Variants in PMPCA observed in about 807,000 individuals in gnomAD.
The protein encoded by PMPCA is mitochondrial-processing peptidase subunit alpha.
A neutral mutation model predicts 59.3 loss-of-function variants in PMPCA; 47 were observed. The ratio of observed to expected loss-of-function variants is 0.79; its 90% CI spans 0.63 to 1.01. The LOEUF is 1.01. Ranked by LOEUF, PMPCA falls within the 50% of genes least tolerant of loss-of-function variation. The pLI is 0.00. For missense variants in PMPCA, 726 were observed against 704.5 expected (o/e 1.03, Z -0.34); for synonymous variants, 338 against 290.3 (o/e 1.16, Z -1.67).
At chr9:136,417,799 G>C (rs1461165080) in intron 7 of PMPCA, among the ~76,000 whole-genome samples, 7 of 151,494 alleles carry the variant, frequency 4.6e-5, no homozygotes, top group Middle Eastern at 3.2e-3. Flanking sequence ...TTTTGGTAGA[G>C]GTGGAGTTTT....
chr9:136,423,499 G>A lies in PMPCA; in HGVS notation c.*235G>A. The A allele has an allele frequency of 1.9e-6, 1 of 518,180 alleles. No homozygotes were observed. Among genetic ancestry groups the A allele is most frequent in the Non-Finnish European group, 3.5e-6 (1 of 288,784 alleles). 32.1% of individuals were successfully genotyped at this position (518,180 alleles called of 1,614,324 possible). A position where few individuals can be genotyped will look rare whatever the true frequency, so the allele number is the denominator to read the frequency against. The stretch of plus-strand genomic sequence containing the variant: ...GAAGCAGGTGAAGTGCCCAGCGCTG[G>A]AGTGCAGCGTGCCACGAGGAGGGCG... On this transcript the variant is annotated 3_prime_UTR_variant, in exon 13 of 13. Transcript: ENST00000371717.
At chr9:136,412,306 T>TG in intron 2 of PMPCA, 107 bp downstream of exon 2, 1 of 919,030 alleles carries the variant, frequency 1.1e-6, no homozygotes, top group South Asian at 1.4e-5. Flanking sequence ...GTACCCTGAG[T>TG]GGAAACAAAG....
chr9:136,418,192 G>A (rs990105807), intron 8 of PMPCA, 83 bp downstream of exon 8: 47 of 995,194 alleles, frequency 4.7e-5, no homozygotes, highest in Admixed American at 2.4e-4. Context: ...CCTGGCATCC[G>A]ACAGCGCTCC....
chr9:136,417,215 G>A lies in PMPCA; in HGVS notation c.897+1G>A. 1 of 1,566,796 alleles carries A rather than the reference G, an allele frequency of 6.4e-7. No individual in the cohort carries two copies. Among genetic ancestry groups the A allele is most frequent in the Non-Finnish European group, 8.7e-7 (1 of 1,150,800 alleles). The stretch of plus-strand genomic sequence containing the variant: ...CCAGTACACTGGGGGGATTGCCAAG[G>A]TGAAGTAGCGGGAACGTCTCATGGC... On this transcript the variant is annotated splice_donor_variant, in intron 7 of 12. Coordinates refer to ENST00000371717, the MANE Select transcript of PMPCA (RefSeq NM_015160.3). LOFTEE classifies it high-confidence loss of function.
intron 4 of PMPCA, among the ~76,000 whole-genome samples, chr9:136,414,148 T>C (rs1835208400): frequency 1.3e-5 from 2 of 152,212 alleles, no homozygotes; most frequent in Admixed American, 1.3e-4. Flanking sequence ...AACAGGAGGC[T>C]GGGATGAAAC....
chr9:136,418,488 C>T (rs1018392896), intron 8 of PMPCA, 67 bp from the exon 9 acceptor site: 132 of 1,012,946 alleles, frequency 1.3e-4, no homozygotes, highest in East Asian at 4.8e-5. Context: ...CCCTCCGTCC[C>T]TGGCGTCTGA....
chr9:136,422,338 TGCC>T (rs1835480632), intron 12 of PMPCA: 1 of 1,181,688 alleles, frequency 8.5e-7, no homozygotes, highest in Admixed American at 3.8e-5. Context: ...TGGCTCGGAA[TGCC>T]GCTGTACCGT....
intron 12 of PMPCA, 121 bp downstream of exon 12, chr9:136,422,097 G>A (rs779727035): frequency 1.5e-4 from 231 of 1,546,302 alleles, no homozygotes; most frequent in Admixed American, 3.1e-4. Context: ...CAGAATCTGG[G>A]GCCTTCACCA....
chr9:136,418,157 G>T (rs368061249), intron 8 of PMPCA, 48 bp downstream of exon 8: 1 of 1,346,362 alleles, frequency 7.4e-7, no homozygotes, highest in Non-Finnish European at 1.1e-6. Context: ...CAGTGTGGCC[G>T]GCTCAGCCAG....
intron 7 of PMPCA, 84 bp downstream of exon 7, chr9:136,417,298 G>T: frequency 8.4e-7 from 1 of 1,185,288 alleles, no homozygotes; most frequent in Non-Finnish European, 1.2e-6. Flanking sequence ...TATTGATTCT[G>T]AGGGTGATAG....
chr9:136,416,892 T>TG, intron 6 of PMPCA, 59 bp from the exon 7 acceptor site: 4 of 1,526,208 alleles, frequency 2.6e-6, no homozygotes, highest in Non-Finnish European at 3.6e-6. Flanking sequence ...TGCTGCTTGT[T>TG]GGAGGAAGCC....
chr9:136,410,857 G>C, intron 1 of PMPCA, 118 bp downstream of exon 1: 21 of 843,398 alleles, frequency 2.5e-5, no homozygotes, highest in Non-Finnish European at 3.2e-5. Context: ...TCGCACTTCG[G>C]GACACTGGTG....
intron 12 of PMPCA, chr9:136,422,888 C>G: frequency 7.2e-7 from 1 of 1,385,728 alleles, no homozygotes; most frequent in South Asian, 1.7e-5. Flanking sequence ...ATTGCCATGT[C>G]CCCATTTACT....
rs1303691840 is a variant in PMPCA at position 136,418,065 on chromosome 9, G to A, written c.946G>A (p.Glu316Lys). 1.6e-5 allele frequency: 26 copies of A among 1,613,840 alleles called. No individual in the cohort carries two copies. Among genetic ancestry groups the A allele is most frequent in the Non-Finnish European group, 2.0e-5 (24 of 1,179,834 alleles). ...NVSLGPTPIP[E>K]LTHIMVGLES... ...CAGCCTGGGCCCGACCCCCATCCCC[G>A]AGCTCACGCACATCATGGTTGGACT... Residue 316 changes from glutamate (E) to lysine (K), a missense_variant, in exon 8 of 13, where the codon GAG becomes AAG. Physicochemically the swap from Glu to Lys is moderately conservative, Grantham distance 56. Coordinates refer to ENST00000371717, the MANE Select transcript of PMPCA (RefSeq NM_015160.3).
At chr9:136,418,198 G>A (rs945766589) in intron 8 of PMPCA, 89 bp downstream of exon 8, 27 of 940,958 alleles carry the variant, frequency 2.9e-5, no homozygotes, top group African/African-American at 6.4e-5. Flanking sequence ...ATCCGACAGC[G>A]CTCCTGATGG....
chr9:136,421,414 T>TTTTTTTG, intron 11 of PMPCA, among the ~76,000 whole-genome samples: 1 of 147,040 alleles, frequency 6.8e-6, no homozygotes, highest in Non-Finnish European at 1.5e-5. Flanking sequence ...GTTTTTTTTT[T>TTTTTTTG]TTTTTTTTTT....
chr9:136,416,446 A>G, intron 6 of PMPCA, 55 bp downstream of exon 6: 1 of 1,247,222 alleles, frequency 8.0e-7, no homozygotes, highest in Non-Finnish European at 1.2e-6. Context: ...TCCTCGGGAC[A>G]CCAGGGGTGG....
chr9:136,417,245 G>A (rs953328884), intron 7 of PMPCA, 31 bp downstream of exon 7: 1 of 1,534,230 alleles, frequency 6.5e-7, no homozygotes, highest in Non-Finnish European at 8.8e-7. Flanking sequence ...CATGGCCTCG[G>A]GTGGGGAACA....
intron 1 of PMPCA, 147 bp downstream of exon 1, chr9:136,410,886 C>T (rs1053240947): frequency 1.7e-6 from 1 of 596,920 alleles, no homozygotes; most frequent in East Asian, 3.5e-5. Context: ...GCGACGGGGG[C>T]CCTGCCTTGC....
Sources: allele counts gnomAD v4.1 joint callset (sites outside exome capture counted in the v4.1 genomes callset), GRCh38; gene constraint gnomAD v4.1.1; transcripts MANE v1.5; gene names NCBI Gene and HGNC (gene_info 2026-07-23, HGNC 2026-07-21).